MAGI2: variants seen among roughly 807,000 people sequenced by gnomAD.
The protein encoded by MAGI2 is membrane-associated guanylate kinase, WW and PDZ domain-containing protein 2.
A neutral mutation model predicts 133.3 loss-of-function variants in MAGI2; 35 were observed. The ratio of observed to expected loss-of-function variants is 0.26; its 90% CI spans 0.20 to 0.35. The LOEUF (loss-of-function observed/expected upper bound fraction) is 0.35. Ranked by LOEUF, MAGI2 falls within the 10% of genes least tolerant of loss-of-function variation. The pLI, the probability that MAGI2 is intolerant of heterozygous loss-of-function variation, is 1.00. For missense variants in MAGI2, 1,636 were observed against 1,863.4 expected (o/e 0.88, Z 2.25); for synonymous variants, 729 against 710.6 (o/e 1.03, Z -0.41).
At chr7:78,028,742 C>T (rs1809226999) in intron 21 of MAGI2, among the ~76,000 whole-genome samples, 1 of 150,590 alleles carries the variant, frequency 6.6e-6, no homozygotes, top group Non-Finnish European at 1.5e-5. Flanking sequence ...GTAATCCCAG[C>T]TACTCGGGAG....
chr7:79,063,540 T>A (rs576865433), intron 1 of MAGI2, among the ~76,000 whole-genome samples: 5 of 152,152 alleles, frequency 3.3e-5, no homozygotes, highest in Non-Finnish European at 7.4e-5. Context: ...AGAGTGAATA[T>A]TAGAAAGCTT....
chr7:79,369,354 A>G (rs1020158838), intron 1 of MAGI2, among the ~76,000 whole-genome samples: 1 of 152,148 alleles, frequency 6.6e-6, no homozygotes, highest in Admixed American at 6.5e-5. Context: ...GCATTACCCT[A>G]ATGAAACCAC....
intron 1 of MAGI2, among the ~76,000 whole-genome samples, chr7:79,344,809 C>T (rs572942578): frequency 1.3e-5 from 2 of 152,120 alleles, no homozygotes; most frequent in South Asian, 2.1e-4. Context: ...CTGGGTGACT[C>T]AGGTAAAGCA....
At chr7:78,424,147 C>CT (rs1176293367) in intron 6 of MAGI2, among the ~76,000 whole-genome samples, 1 of 152,108 alleles carries the variant, frequency 6.6e-6, no homozygotes, top group Non-Finnish European at 1.5e-5. Context: ...AAGGGTCCCC[C>CT]TGCTGTGTGC....
chr7:78,706,211 G>C lies in MAGI2; in HGVS notation c.419-78972C>G, dbSNP rs577672077. ...TTCCCATGTGTTATGGGAGGGATCT[G>C]GGGGAGGTAACTGAATTATGGAGGC... On this transcript the variant is annotated intron_variant, in intron 2 of 21. Coordinates refer to ENST00000354212, the MANE Select transcript of MAGI2 (RefSeq NM_012301.4). Among the ~76,000 whole-genome samples the C allele has an allele frequency of 2.6e-5, 4 of 152,122 alleles. No homozygotes were observed. In the South Asian group the frequency reaches 8.3e-4, roughly 32 times the overall value.
At chr7:79,172,766 T>G (rs1175424929) in intron 1 of MAGI2, among the ~76,000 whole-genome samples, 2 of 152,040 alleles carry the variant, frequency 1.3e-5, no homozygotes, top group East Asian at 3.9e-4. Flanking sequence ...TAGGATGTTA[T>G]CTATAATCTC....
chr7:78,609,475 GTGA>G (rs762186368), intron 3 of MAGI2, among the ~76,000 whole-genome samples: 16 of 152,122 alleles, frequency 1.1e-4, no homozygotes, highest in Non-Finnish European at 1.3e-4. Flanking sequence ...CTTATGTCAC[GTGA>G]TGAAGGAAAA....
At chr7:79,192,388 A>T (rs1827748861) in intron 1 of MAGI2, among the ~76,000 whole-genome samples, 1 of 151,880 alleles carries the variant, frequency 6.6e-6, no homozygotes, top group Non-Finnish European at 1.5e-5. Context: ...ATATGATGCC[A>T]CAACCATTTA....
intron 1 of MAGI2, among the ~76,000 whole-genome samples, chr7:79,191,208 T>G (rs1039487052): frequency 6.6e-6 from 1 of 151,522 alleles, no homozygotes; most frequent in East Asian, 1.9e-4. Context: ...TACTTTCCCA[T>G]GTATATCCCA....
rs546533594 is a variant in MAGI2 at position 79,006,835 on chromosome 7, A to G, written c.418+255T>C. 3.0e-3 allele frequency: 1,067 copies of G among 357,514 alleles called. 6 individuals carry two copies. Among genetic ancestry groups the G allele is most frequent in the Non-Finnish European group, 4.3e-3 (874 of 200,998 alleles). 22.1% of individuals were successfully genotyped at this position (357,514 alleles called of 1,614,324 possible). On this transcript the variant is annotated intron_variant, in intron 2 of 21. Transcript: ENST00000354212. ...TCTGGACTAGAATCAATATTTCTCA[A>G]TACTAACTTCAGAAATGTAAGTTAG...
intron 10 of MAGI2, among the ~76,000 whole-genome samples, chr7:78,209,084 T>A (rs1259301847): frequency 7.4e-6 from 1 of 134,810 alleles, no homozygotes; most frequent in Non-Finnish European, 1.6e-5. Context: ...TAGCCGGGCG[T>A]GGTGGCGGGC....
intron 6 of MAGI2, among the ~76,000 whole-genome samples, chr7:78,460,512 G>A (rs999775815): frequency 6.6e-6 from 1 of 152,122 alleles, no homozygotes; most frequent in African/African-American, 2.4e-5. Flanking sequence ...ATACACACAC[G>A]GTATGGCAGA....
chr7:78,141,783 T>C (rs1193852701), intron 16 of MAGI2, among the ~76,000 whole-genome samples: 1 of 152,054 alleles, frequency 6.6e-6, no homozygotes, highest in African/African-American at 2.4e-5. Context: ...AAGCAGATGG[T>C]CAGACAGGAG....
intron 21 of MAGI2, among the ~76,000 whole-genome samples, chr7:78,038,725 T>A (rs2428934): frequency 0.4 from 61,287 of 152,106 alleles, 12,664 homozygotes; most frequent in African/African-American, 0.43. Context: ...TGAACTGAAG[T>A]TGAGGAAAGA....
intron 3 of MAGI2, among the ~76,000 whole-genome samples, chr7:78,544,136 G>T (rs1271373977): frequency 1.3e-5 from 2 of 152,208 alleles, no homozygotes; most frequent in Non-Finnish European, 2.9e-5. Context: ...AATGGAATAT[G>T]AAACTTCTGA....
In MAGI2 at chr7:78,161,667, T is replaced by TAAAAAAAAAAAAAAAAAAAAAAAAA. The variant is rs71515391; in HGVS notation, c.2597-1395_2597-1394insTTTTTTTTTTTTTTTTTTTTTTTTT. Among the ~76,000 whole-genome samples, 60 of 68,902 alleles carry TAAAAAAAAAAAAAAAAAAAAAAAAA rather than the reference T, an allele frequency of 8.7e-4. 1 individual carries two copies. The highest frequency in any genetic ancestry group is 1.2e-3 in the Non-Finnish European group (44 of 37,750). 45.2% of individuals were successfully genotyped at this position (68,902 alleles called of 152,430 possible). A position where few individuals can be genotyped will look rare whatever the true frequency, so the allele number is the denominator to read the frequency against. ...AGAGACGTTTTGTTACATCGATACC[T>TAAAAAAAAAAAAAAAAAAAAAAAAA]AAAAAAAAAAAAAAAAAAAAGAAAA... On this transcript the variant is annotated intron_variant, in intron 15 of 21. Transcript: ENST00000354212.
rs1273086074 is a variant in MAGI2, at chr7:78,959,126, G to T, written c.418+47964C>A. The stretch of plus-strand genomic sequence containing the variant: ...TTTATTTTTTAATAATCTTTGAATT[G>T]ATGGAATTGCTTTTACATCATTTAT... On this transcript the variant is annotated intron_variant, in intron 2 of 21. Transcript: ENST00000354212. 3.9e-5 allele frequency among the ~76,000 whole-genome samples: 6 copies of T among 152,056 alleles called. No individual in the cohort carries two copies. In the East Asian group the frequency reaches 1.2e-3, roughly 30 times the overall value.
At chr7:78,711,038 A>G (rs928103818) in intron 2 of MAGI2, among the ~76,000 whole-genome samples, 2 of 152,328 alleles carry the variant, frequency 1.3e-5, no homozygotes, top group Admixed American at 6.5e-5. Flanking sequence ...AGTCTAGTGC[A>G]TGATGATCAC....
intron 2 of MAGI2, among the ~76,000 whole-genome samples, chr7:78,836,412 A>G (rs1791621165): frequency 6.6e-6 from 1 of 152,142 alleles, no homozygotes; most frequent in South Asian, 2.1e-4. Context: ...TTTCACCTCT[A>G]TAGCATAGCT....
Sources: allele counts gnomAD v4.1 joint callset (sites outside exome capture counted in the v4.1 genomes callset), GRCh38; gene constraint gnomAD v4.1.1; transcripts MANE v1.5; gene names NCBI Gene and HGNC (gene_info 2026-07-23, HGNC 2026-07-21).